The following CTNNA2 variants were observed in gnomAD, a reference collection of about 807,000 sequenced individuals.
CTNNA2 encodes catenin alpha 2.
In CTNNA2, 42 loss-of-function variants were observed where a neutral mutation model predicts 101.0. That is an observed-to-expected ratio of 0.42 (90% CI 0.32 to 0.54). CTNNA2 has a LOEUF of 0.54. CTNNA2 is among the 20% of genes least tolerant of loss of function. The probability of loss-of-function intolerance (pLI) is 0.14; values close to 1 mark genes in which losing one functional copy is unlikely to be tolerated. For missense variants in CTNNA2, 871 were observed against 1,223.1 expected, an observed-to-expected ratio of 0.71 and a Z score of 4.29; for synonymous variants, 450 against 456.4, an observed-to-expected ratio of 0.99 and a Z score of 0.18.
At chr2:80,451,493 T>C (rs996291808) in intron 9 of CTNNA2, among the ~76,000 whole-genome samples, 1 of 152,184 alleles carries the variant, frequency 6.6e-6, no homozygotes, top group South Asian at 2.1e-4. Flanking sequence ...GAGTTCTTTA[T>C]AGCAGTGTGA....
intron 1 of CTNNA2, among the ~76,000 whole-genome samples, chr2:79,577,520 T>G (rs1675872175): frequency 1.3e-5 from 2 of 152,108 alleles, no homozygotes. Context: ...ATTTCAGGCT[T>G]CAAAAATTGC....
Position 79,391,535 on chromosome 2 carries a change from T to C in CTNNA2, c.-135+17522T>C, listed in dbSNP as rs184799080. Among the ~76,000 whole-genome samples the C allele has an allele frequency of 2.8e-3, 424 of 152,254 alleles. 1 individual carries two copies. The highest frequency in any genetic ancestry group is 4.9e-3 in the Non-Finnish European group (333 of 68,020). On this transcript the variant is annotated intron_variant, in intron 4 of 21. Coordinates refer to the CTNNA2 transcript ENST00000466387. ...AACAGTAGGCTGTGGGAGTCAAAAA[T>C]TATATGTGGACTTTCAACTGTTGGG...
intron 1 of CTNNA2, among the ~76,000 whole-genome samples, chr2:79,621,736 T>C (rs540631963): frequency 6.6e-6 from 1 of 152,212 alleles, no homozygotes; most frequent in African/African-American, 2.4e-5. Flanking sequence ...GGAGTAAGCT[T>C]ATAGTGGAGA....
chr2:79,193,135 T>A (rs1039950518), intron 1 of CTNNA2, among the ~76,000 whole-genome samples: 1 of 152,200 alleles, frequency 6.6e-6, no homozygotes, highest in Non-Finnish European at 1.5e-5. Flanking sequence ...GGTATTTTCC[T>A]TTTAGCATAA....
At chr2:80,275,307 C>T (rs916468318) in intron 7 of CTNNA2, among the ~76,000 whole-genome samples, 19 of 152,170 alleles carry the variant, frequency 1.2e-4, no homozygotes, top group Admixed American at 2.0e-4. Flanking sequence ...TTGGTCAAAC[C>T]ATGTCATTAC....
At chr2:80,563,383 C>T (rs775066377) in intron 12 of CTNNA2, among the ~76,000 whole-genome samples, 3 of 152,152 alleles carry the variant, frequency 2.0e-5, no homozygotes, top group Non-Finnish European at 2.9e-5. Flanking sequence ...CATTTGGAAG[C>T]ACATGTGGTA....
At chr2:80,148,180 C>G (rs538028282) in intron 7 of CTNNA2, among the ~76,000 whole-genome samples, 4 of 152,258 alleles carry the variant, frequency 2.6e-5, no homozygotes, top group African/African-American at 9.6e-5. Flanking sequence ...ATCTGTCTCT[C>G]TTGAGATGTT....
chr2:79,529,352 C>T (rs72921172), intron 1 of CTNNA2, among the ~76,000 whole-genome samples: 33,123 of 152,058 alleles, frequency 0.22, 3,971 homozygotes, highest in Middle Eastern at 0.34. Context: ...AAACATAATT[C>T]AGGAGTTAGC....
intron 9 of CTNNA2, among the ~76,000 whole-genome samples, chr2:80,444,707 G>A (rs1682922107): frequency 6.6e-6 from 1 of 152,156 alleles, no homozygotes; most frequent in Non-Finnish European, 1.5e-5. Context: ...GAAGAGACAG[G>A]AGAGAGTTTA....
At chr2:80,190,426 C>T (rs559721311) in intron 7 of CTNNA2, among the ~76,000 whole-genome samples, 14 of 152,216 alleles carry the variant, frequency 9.2e-5, no homozygotes, top group Admixed American at 7.9e-4. Flanking sequence ...ACACTTTCCC[C>T]GTAATGAACT....
chr2:79,871,633 C>G (rs778368738), intron 5 of CTNNA2, among the ~76,000 whole-genome samples: 1 of 152,146 alleles, frequency 6.6e-6, no homozygotes, highest in Non-Finnish European at 1.5e-5. Context: ...TGAAGCTTCT[C>G]CACTTAATTC....
At chr2:80,511,028 T>C (rs1309623835) in intron 9 of CTNNA2, among the ~76,000 whole-genome samples, 1 of 152,202 alleles carries the variant, frequency 6.6e-6, no homozygotes, top group African/African-American at 2.4e-5. Flanking sequence ...GGGAAGGCTT[T>C]GGTGGCAACT....
At chr2:80,124,594 T>G (rs1282269673) in intron 7 of CTNNA2, among the ~76,000 whole-genome samples, 2 of 152,148 alleles carry the variant, frequency 1.3e-5, no homozygotes, top group Non-Finnish European at 2.9e-5. Context: ...GTACAAAGGT[T>G]GAAGTTGTGT....
chr2:80,438,424 T>TTTTTTG (rs1207049427), intron 9 of CTNNA2, among the ~76,000 whole-genome samples: 6 of 151,924 alleles, frequency 3.9e-5, no homozygotes, highest in South Asian at 4.2e-4. Flanking sequence ...TTTGTTAGTT[T>TTTTTTG]TTTTGTTTTG....
At chr2:80,056,539 G>A (rs1288080589) in intron 7 of CTNNA2, among the ~76,000 whole-genome samples, 1 of 152,170 alleles carries the variant, frequency 6.6e-6, no homozygotes, top group East Asian at 1.9e-4. Context: ...GAAAGATAGG[G>A]ATCAAGCCTC....
chr2:79,224,618 C>T (rs1033607725), intron 2 of CTNNA2, among the ~76,000 whole-genome samples: 22 of 152,034 alleles, frequency 1.4e-4, no homozygotes, highest in Admixed American at 8.5e-4. Context: ...GACATGCATG[C>T]ATGCATGGTT....
chr2:80,456,895 G>T (rs145258337), intron 9 of CTNNA2, among the ~76,000 whole-genome samples: 129 of 152,242 alleles, frequency 8.5e-4, no homozygotes, highest in Non-Finnish European at 1.5e-3. Context: ...CAGTTAGGTA[G>T]AAGGAATAAG....
intron 3 of CTNNA2, among the ~76,000 whole-genome samples, chr2:79,338,643 C>CTTCTTCTTCTTCT (rs1558634030): frequency 1.4e-5 from 2 of 145,432 alleles, no homozygotes; most frequent in Admixed American, 7.0e-5. Flanking sequence ...TCTTCTTCTT[C>CTTCTTCTTCTTCT]AAAGATTCCT....
intron 2 of CTNNA2, among the ~76,000 whole-genome samples, chr2:79,272,070 T>A (rs1675096564): frequency 6.6e-6 from 1 of 152,086 alleles, no homozygotes; most frequent in Non-Finnish European, 1.5e-5. Context: ...GAAGGCCAAC[T>A]ATGCCTTAGG....
Sources: gnomAD v4.1 joint callset for allele counts (sites outside exome capture counted in the v4.1 genomes callset) on GRCh38, gnomAD v4.1.1 for gene constraint, MANE v1.5 for transcripts, NCBI Gene and HGNC (gene_info 2026-07-23, HGNC 2026-07-21) for gene names.